NBR1: variants seen among roughly 807,000 people sequenced by gnomAD.
NBR1 encodes the protein NBR1 autophagy cargo receptor, also known as next to BRCA1 gene 1 protein.
Under a neutral mutation model 115.5 loss-of-function variants are expected in NBR1, and 59 were observed. The observed-to-expected ratio is 0.51, with a 90% CI of 0.41 to 0.63. The LOEUF is 0.63. Ranked by LOEUF, NBR1 falls within the 30% of genes least tolerant of loss-of-function variation. The pLI, the probability that NBR1 is intolerant of heterozygous loss-of-function variation, is 0.00. For synonymous variants in NBR1, 373 were observed against 414.7 expected (o/e 0.90, Z 1.22); for missense variants, 1,043 against 1,150.5 (o/e 0.91, Z 1.35).
intron 5 of NBR1, among the ~76,000 whole-genome samples, chr17:43,183,413 G>A (rs1315499268): frequency 6.6e-6 from 1 of 150,940 alleles, no homozygotes; most frequent in Non-Finnish European, 1.5e-5. Context: ...TAGAGATGGG[G>A]TTTCACCATG....
Position 43,186,237 on chromosome 17 carries a change from T to C in NBR1, c.208-13T>C, listed in dbSNP as rs1055458964. Reference sequence around the variant, plus strand: ...CACGTCGCATGTTTTTGTTTCATAATGTATGCTCTTAGATGGCAGTTAAAC... The same window carrying C: ...CACGTCGCATGTTTTTGTTTCATAACGTATGCTCTTAGATGGCAGTTAAAC... On this transcript the variant is annotated splice_polypyrimidine_tract_variant and intron_variant, in intron 5 of 20. Coordinates refer to ENST00000590996, the MANE Select transcript of NBR1 (RefSeq NM_005899.5). 1.5e-5 allele frequency: 24 copies of C among 1,554,052 alleles called. No homozygotes were observed. The highest frequency in any genetic ancestry group is 2.4e-5 in the South Asian group (2 of 82,964).
Position 43,203,672 on chromosome 17 carries a change from C to T in NBR1, c.2622-9C>T. 2 of 1,591,472 alleles carry T rather than the reference C, an allele frequency of 1.3e-6. No homozygotes were observed. The highest frequency in any genetic ancestry group is 2.2e-5 in the East Asian group (1 of 44,582). On this transcript the variant is annotated splice_polypyrimidine_tract_variant and intron_variant, in intron 19 of 20. Coordinates refer to ENST00000590996, the MANE Select transcript of NBR1 (RefSeq NM_005899.5). Reference sequence around the variant, plus strand: ...TTGTTTGGGGAGATAATTTGGTTTTCCTCTGCAGGCACCATCATGGGAGCA... The same window carrying T: ...TTGTTTGGGGAGATAATTTGGTTTTTCTCTGCAGGCACCATCATGGGAGCA...
Position 43,177,925 on chromosome 17 carries a change from C to T in NBR1, c.103-11C>T, listed in dbSNP as rs563880653. ...TTATAACCTGCCTTTAAATATGTAT[C>T]TCTTTTATAGGTAAAAGTTTCATTT... On this transcript the variant is annotated splice_polypyrimidine_tract_variant and intron_variant, in intron 2 of 20. Coordinates refer to ENST00000590996, the MANE Select transcript of NBR1 (RefSeq NM_005899.5). 7.8e-5 allele frequency: 117 copies of T among 1,502,706 alleles called. No individual in the cohort carries two copies. In the African/African-American group the frequency reaches 1.1e-3, roughly 14 times the overall value. 93.1% of individuals were successfully genotyped at this position (1,502,706 alleles called of 1,614,324 possible). A position where few individuals can be genotyped will look rare whatever the true frequency, so the allele number is the denominator to read the frequency against.
At chr17:43,203,999 G>A (rs1488192318) in intron 20 of NBR1, among the ~76,000 whole-genome samples, 5 of 150,090 alleles carry the variant, frequency 3.3e-5, no homozygotes, top group South Asian at 2.1e-4. Flanking sequence ...GTGCAGTGGC[G>A]CGATCTCGGC....
At chr17:43,202,780 G>A (rs889563557) in intron 19 of NBR1, 68 bp downstream of exon 19, 2 of 1,293,548 alleles carry the variant, frequency 1.5e-6, no homozygotes, top group Non-Finnish European at 2.2e-6. Context: ...CTGCTTAAAA[G>A]AGCCTCTCAC....
intron 8 of NBR1, 120 bp from the exon 9 acceptor site, chr17:43,190,489 G>C: frequency 2.0e-6 from 2 of 1,022,466 alleles, no homozygotes; most frequent in Non-Finnish European, 2.9e-6. Flanking sequence ...ATAGTCAGAT[G>C]GCATGCTCAG....
intron 1 of NBR1, 57 bp downstream of exon 1, chr17:43,171,359 G>T (rs188576524): frequency 6.6e-6 from 1 of 152,386 alleles, no homozygotes; most frequent in African/African-American, 2.4e-5. Flanking sequence ...AAGAGGGTTT[G>T]GGGAAGTTCA....
At chr17:43,203,053 G>A (rs2057238258) in intron 19 of NBR1, among the ~76,000 whole-genome samples, 1 of 152,242 alleles carries the variant, frequency 6.6e-6, no homozygotes, top group South Asian at 2.1e-4. Context: ...CTACTCAGGA[G>A]GCTGAGGTGG....
intron 5 of NBR1, among the ~76,000 whole-genome samples, chr17:43,183,184 C>T (rs541116814): frequency 5.9e-5 from 9 of 151,632 alleles, no homozygotes; most frequent in South Asian, 4.2e-4. Context: ...TGAGCCATCA[C>T]GCCCGGCCTC....
chr17:43,171,977 C>T (rs1266791394), intron 1 of NBR1, among the ~76,000 whole-genome samples: 1 of 151,990 alleles, frequency 6.6e-6, no homozygotes, highest in Admixed American at 6.6e-5. Flanking sequence ...GATAACTTGG[C>T]TTGTAAAGGC....
chr17:43,180,852 A>T (rs927883094), intron 5 of NBR1, 35 bp downstream of exon 5: 6 of 1,373,232 alleles, frequency 4.4e-6, no homozygotes, highest in African/African-American at 1.5e-5. Context: ...TAAATAATTT[A>T]AAAAATATTA....
At chr17:43,201,913 C>G (rs753391889) in intron 18 of NBR1, 133 bp downstream of exon 18, 11 of 617,986 alleles carry the variant, frequency 1.8e-5, no homozygotes, top group Non-Finnish European at 2.9e-5. Context: ...GGCGTGGTGG[C>G]TCACACCTGT....
intron 8 of NBR1, 174 bp downstream of exon 8, chr17:43,189,976 C>T: frequency 3.2e-6 from 2 of 622,366 alleles, no homozygotes; most frequent in Non-Finnish European, 5.6e-6. Flanking sequence ...TATGTTGTAA[C>T]TATTCAGATT....
chr17:43,178,366 CT>C (rs35971878), intron 3 of NBR1, among the ~76,000 whole-genome samples: 43,797 of 139,278 alleles, frequency 0.31, 6,889 homozygotes, highest in South Asian at 0.49. Flanking sequence ...CTGAGAGAAC[CT>C]TTTTTTTTTT....
chr17:43,180,560 C>G (rs1010995353), intron 4 of NBR1, among the ~76,000 whole-genome samples: 1 of 152,118 alleles, frequency 6.6e-6, no homozygotes, highest in Non-Finnish European at 1.5e-5. Context: ...TCCCCAGAAA[C>G]CAGCCATAAT....
intron 20 of NBR1, among the ~76,000 whole-genome samples, chr17:43,206,166 ACT>A (rs1207328425): frequency 6.7e-6 from 1 of 148,396 alleles, no homozygotes; most frequent in East Asian, 2.0e-4. Flanking sequence ...ACAGAGCGAG[ACT>A]CTGTCTCAAA....
At chr17:43,202,606 G>A in intron 18 of NBR1, 49 bp from the exon 19 acceptor site, 1 of 1,364,520 alleles carries the variant, frequency 7.3e-7, no homozygotes, top group East Asian at 2.5e-5. Context: ...TTAGGAAACA[G>A]TAGGTGCTTA....
Position 43,200,379 on chromosome 17 carries a change from G to A in NBR1, c.2239G>A (p.Gly747Arg). 1 of 1,579,150 alleles carries A rather than the reference G, an allele frequency of 6.3e-7. No individual in the cohort carries two copies. The highest frequency in any genetic ancestry group is 8.6e-7 in the Non-Finnish European group (1 of 1,162,692). Residue 747 changes from glycine (G) to arginine (R), a missense_variant, in exon 17 of 21, where the codon GGG becomes AGG. Physicochemically the swap from Gly to Arg is moderately radical, Grantham distance 125. Coordinates refer to ENST00000590996, the MANE Select transcript of NBR1 (RefSeq NM_005899.5). ...GTGCTTTGATACCAGCCGCCCCCTG[G>A]GGGATTCTATGTACAGCTCTGCGCT... ...PECFDTSRPL[G>R]DSMYSSALSQ... is the part of the protein sequence containing the mutation.
Position 43,190,780 on chromosome 17 carries a change from A to C in NBR1, c.863+4A>C. ...CTGCTGCTCTGGAACAAGTCAGGTAAAACCCTCTACATGGAGATGCTTATT... is the reference window on the plus strand; with the variant it reads ...CTGCTGCTCTGGAACAAGTCAGGTACAACCCTCTACATGGAGATGCTTATT... On this transcript the variant is annotated splice_donor_region_variant and intron_variant, in intron 9 of 20. Transcript: ENST00000590996. The C allele has an allele frequency of 6.3e-7, 1 of 1,588,756 alleles. No individual in the cohort carries two copies. Among genetic ancestry groups the C allele is most frequent in the South Asian group, 1.2e-5 (1 of 86,760 alleles).
Sources: gnomAD v4.1 joint callset for allele counts (sites outside exome capture counted in the v4.1 genomes callset) on GRCh38, gnomAD v4.1.1 for gene constraint, MANE v1.5 for transcripts, NCBI Gene and HGNC (gene_info 2026-07-23, HGNC 2026-07-21) for gene names.